Variants in PSD3 observed in about 807,000 individuals in gnomAD.
PSD3 encodes PH and SEC7 domain-containing protein 3.
In PSD3, 49 loss-of-function variants were observed where a neutral mutation model predicts 105.5. The ratio of observed to expected loss-of-function variants is 0.46; its 90% CI spans 0.37 to 0.59. The LOEUF is 0.59. PSD3 is among the 20% of genes least tolerant of loss of function. The pLI is 0.00. For synonymous variants in PSD3, 557 were observed against 457.8 expected, an observed-to-expected ratio of 1.22 and a Z score of -2.77; for missense variants, 1,561 against 1,263.8, an observed-to-expected ratio of 1.24 and a Z score of -3.57.
At chr8:19,004,746 A>C (rs1290316406) in intron 1 of PSD3, among the ~76,000 whole-genome samples, 1 of 152,060 alleles carries the variant, frequency 6.6e-6, no homozygotes, top group Admixed American at 6.5e-5. Context: ...TCGTGTGAGG[A>C]AGCCGGTGGA....
chr8:18,595,637 A>G (rs1804039252), intron 12 of PSD3, among the ~76,000 whole-genome samples: 1 of 152,122 alleles, frequency 6.6e-6, no homozygotes, highest in Admixed American at 6.6e-5. Context: ...AGCCATACTT[A>G]TATTATACAA....
At chr8:18,840,944 G>A (rs1318052651) in intron 4 of PSD3, among the ~76,000 whole-genome samples, 4 of 152,282 alleles carry the variant, frequency 2.6e-5, no homozygotes, top group South Asian at 4.1e-4. Flanking sequence ...TGTGTGTCTC[G>A]AGATAGATGA....
chr8:18,636,023 G>A (rs1187575312), intron 10 of PSD3, among the ~76,000 whole-genome samples: 2 of 152,016 alleles, frequency 1.3e-5, no homozygotes, highest in African/African-American at 4.8e-5. Context: ...CAAACCTGCA[G>A]GTTCTGCACA....
intron 9 of PSD3, among the ~76,000 whole-genome samples, chr8:18,755,408 C>A (rs1805941754): frequency 6.7e-6 from 1 of 149,308 alleles, no homozygotes; most frequent in Admixed American, 6.7e-5. Flanking sequence ...CCTGCCTGGG[C>A]AACAGAGTGA....
At chr8:18,987,741 C>T (rs193233182) in intron 1 of PSD3, among the ~76,000 whole-genome samples, 33 of 152,086 alleles carry the variant, frequency 2.2e-4, no homozygotes, top group Admixed American at 2.0e-3. Flanking sequence ...ATCACCTGAG[C>T]CCAAGAGGCA....
chr8:18,767,333 G>A (rs749566602), intron 8 of PSD3, among the ~76,000 whole-genome samples: 9 of 152,170 alleles, frequency 5.9e-5, no homozygotes, highest in East Asian at 3.8e-4. Context: ...TTTAGGTTCC[G>A]TATAGACAGC....
intron 2 of PSD3, among the ~76,000 whole-genome samples, chr8:18,931,518 C>A (rs938215488): frequency 2.6e-5 from 4 of 152,172 alleles, no homozygotes; most frequent in African/African-American, 9.7e-5. Flanking sequence ...AGAAAATTAA[C>A]ATTTTAACAA....
At chr8:18,762,623 G>A (rs1174954115) in intron 9 of PSD3, among the ~76,000 whole-genome samples, 3 of 152,018 alleles carry the variant, frequency 2.0e-5, no homozygotes, top group Non-Finnish European at 4.4e-5. Flanking sequence ...CACCCTGTAG[G>A]GGAAAAAATG....
intron 9 of PSD3, among the ~76,000 whole-genome samples, chr8:18,729,466 T>C (rs1170465273): frequency 2.0e-5 from 3 of 152,196 alleles, no homozygotes; most frequent in African/African-American, 7.2e-5. Flanking sequence ...AAGAGGGCTG[T>C]ATCTAGACTT....
intron 8 of PSD3, among the ~76,000 whole-genome samples, chr8:18,788,201 A>G (rs953697420): frequency 6.6e-6 from 1 of 152,216 alleles, no homozygotes; most frequent in African/African-American, 2.4e-5. Flanking sequence ...ATCCTGATGT[A>G]TTCTATTCTC....
intron 15 of PSD3, 83 bp downstream of exon 15, chr8:18,556,126 A>T: frequency 6.8e-7 from 1 of 1,480,156 alleles, no homozygotes. Flanking sequence ...TCTCAGTGAC[A>T]CTGCAAAGAA....
chr8:18,922,215 C>T (rs1821067131), intron 2 of PSD3, among the ~76,000 whole-genome samples: 1 of 152,170 alleles, frequency 6.6e-6, no homozygotes, highest in Non-Finnish European at 1.5e-5. Context: ...TCTGCAACAT[C>T]TCAAGGACCT....
chr8:19,055,761 C>A (rs1045451206), intron 1 of PSD3, among the ~76,000 whole-genome samples: 1 of 152,204 alleles, frequency 6.6e-6, no homozygotes, highest in Non-Finnish European at 1.5e-5. Context: ...GAATTCACAC[C>A]TCCTGCTGTG....
rs1365960738 is a variant in PSD3 at position 18,531,296 on chromosome 8, C to T, written c.*4447G>A. 1 of 152,648 alleles carries T rather than the reference C, an allele frequency of 6.6e-6. No individual in the cohort carries two copies. Among genetic ancestry groups the T allele is most frequent in the Non-Finnish European group, 1.5e-5 (1 of 68,044 alleles). 9.5% of individuals were successfully genotyped at this position (152,648 alleles called of 1,614,324 possible). A position where few individuals can be genotyped will look rare whatever the true frequency, so the allele number is the denominator to read the frequency against. On this transcript the variant is annotated 3_prime_UTR_variant, in exon 16 of 16. Transcript: ENST00000327040. ...AGATTCAAGTATTTAATGACATTCT[C>T]TCTATGAAGACATTCTCTCTGCATG...
intron 12 of PSD3, among the ~76,000 whole-genome samples, chr8:18,589,401 C>T (rs1057085362): frequency 1.4e-4 from 21 of 152,142 alleles, no homozygotes; most frequent in African/African-American, 4.8e-4. Flanking sequence ...CAGCTAACTC[C>T]ATATCTCTTT....
chr8:18,957,188 C>T (rs28642877), intron 1 of PSD3, among the ~76,000 whole-genome samples: 106,201 of 151,652 alleles, frequency 0.7, 37,553 homozygotes, highest in Middle Eastern at 0.77. Context: ...CTGGCCAACA[C>T]AGTGAAACCC....
chr8:18,674,215 G>A (rs1799948439), intron 9 of PSD3, among the ~76,000 whole-genome samples: 1 of 152,222 alleles, frequency 6.6e-6, no homozygotes, highest in South Asian at 2.1e-4. Context: ...TCAGAAGGTC[G>A]ACTTACTAAT....
At chr8:18,587,240 G>C (rs1376156639) in intron 12 of PSD3, among the ~76,000 whole-genome samples, 1 of 152,154 alleles carries the variant, frequency 6.6e-6, no homozygotes, top group Non-Finnish European at 1.5e-5. Flanking sequence ...CTTAGCATGG[G>C]GGACACTATG....
intron 2 of PSD3, among the ~76,000 whole-genome samples, chr8:18,931,624 C>T (rs1225901254): frequency 6.6e-6 from 1 of 152,190 alleles, no homozygotes; most frequent in East Asian, 1.9e-4. Context: ...CCTATGGCTT[C>T]CCCACTAGTG....
Sources: allele counts gnomAD v4.1 joint callset (sites outside exome capture counted in the v4.1 genomes callset), GRCh38; gene constraint gnomAD v4.1.1; transcripts MANE v1.5; gene names NCBI Gene and HGNC (gene_info 2026-07-23, HGNC 2026-07-21).